STIL: variants seen among roughly 807,000 people sequenced by gnomAD.
STIL encodes the protein SCL-interrupting locus protein.
Under a neutral mutation model 110.1 loss-of-function variants are expected in STIL, and 55 were observed. The ratio of observed to expected loss-of-function variants is 0.50; its 90% CI spans 0.40 to 0.63. The LOEUF is 0.63. STIL is among the 20% of genes least tolerant of loss of function. STIL has a pLI of 0.00. For missense variants in STIL, 1,358 were observed against 1,530.0 expected (o/e 0.89, Z 1.87); for synonymous variants, 481 against 530.0 (o/e 0.91, Z 1.27).
chr1:47,290,214 G>A (rs1645439892), intron 8 of STIL, among the ~76,000 whole-genome samples: 1 of 152,094 alleles, frequency 6.6e-6, no homozygotes, highest in African/African-American at 2.4e-5. Flanking sequence ...CACCTGGAGT[G>A]GGTGAATCTT....
chr1:47,265,256 A>C (rs1447029950), intron 14 of STIL, among the ~76,000 whole-genome samples: 1 of 150,880 alleles, frequency 6.6e-6, no homozygotes, highest in Non-Finnish European at 1.5e-5. Flanking sequence ...AAAAAAAAAA[A>C]AAAACACAAG....
intron 15 of STIL, 35 bp from the exon 16 acceptor site, chr1:47,260,574 A>G (rs1402931854): frequency 1.9e-6 from 3 of 1,605,516 alleles, no homozygotes; most frequent in South Asian, 1.1e-5. Context: ...TTGAAAAATC[A>G]CTATTAACAA....
rs556872201 is a variant in STIL, at chr1:47,278,018, A to G, written c.2217+2223T>C. ...GTCTGGTACCACAGCCCACTCTCTT[A>G]ACCCTTACACCAAAATGAGATTTGC... On this transcript the variant is annotated intron_variant, in intron 12 of 16. Transcript: ENST00000371877. 3.3e-5 allele frequency among the ~76,000 whole-genome samples: 5 copies of G among 152,294 alleles called. No homozygotes were observed. The South Asian group carries it at 8.3e-4, about 25-fold the overall frequency.
At chr1:47,260,253 T>C (rs1345493161) in intron 16 of STIL, 36 bp downstream of exon 16, 2 of 1,567,808 alleles carry the variant, frequency 1.3e-6, no homozygotes, top group East Asian at 4.6e-5. Flanking sequence ...AAAAATAAAA[T>C]TTATTCACTC....
chr1:47,299,028 C>A (rs914534341), intron 6 of STIL, among the ~76,000 whole-genome samples: 2 of 132,592 alleles, frequency 1.5e-5, no homozygotes, highest in African/African-American at 6.5e-5. Context: ...TAATTTTTAC[C>A]ACCACTTTTT....
In STIL at chr1:47,302,380, G is replaced by A. The variant is rs113376047; in HGVS notation, c.153-34C>T. 3.1e-5 allele frequency: 47 copies of A among 1,502,120 alleles called. No homozygotes were observed. In the African/African-American group the frequency reaches 5.1e-4, roughly 16 times the overall value. The allele number at this position is 1,502,120 out of a possible 1,614,324, so 93.0% of individuals were successfully genotyped here. A position where few individuals can be genotyped will look rare whatever the true frequency, so the allele number is the denominator to read the frequency against. On this transcript the variant is annotated intron_variant, in intron 3 of 16. Coordinates refer to ENST00000371877, the MANE Select transcript of STIL (RefSeq NM_001048166.1). The stretch of plus-strand genomic sequence containing the variant: ...CAACAAGTCTTTTATGAATATGGTA[G>A]ACCTCATATCTTAAAAAAACCTCCT...
Position 47,301,705 on chromosome 1 carries a change from A to G in STIL, c.309T>C (p.Gly103=). Residue 103 remains glycine (G), a synonymous_variant, in exon 5 of 17, where the codon GGT becomes GGC. Transcript: ENST00000371877. ...VTLTVDRFDP[G]REVPECLEIT... is the part of the protein sequence containing the mutation. ...TTTCTAGGCATTCAGGTACTTCTCG[A>G]CCAGGATCAAAGCGATCTACTGTCA... 6.2e-7 allele frequency: 1 copy of G among 1,614,074 alleles called. No homozygotes were observed. The highest frequency in any genetic ancestry group is 1.7e-5 in the Admixed American group (1 of 60,020).
At chr1:47,288,523 C>T (rs992662687) in intron 9 of STIL, among the ~76,000 whole-genome samples, 1 of 152,000 alleles carries the variant, frequency 6.6e-6, no homozygotes, top group African/African-American at 2.4e-5. Flanking sequence ...TCTCAAACTC[C>T]TGACCTCAGG....
intron 11 of STIL, 87 bp from the exon 12 acceptor site, chr1:47,281,296 T>A: frequency 7.8e-7 from 1 of 1,274,036 alleles, no homozygotes; most frequent in Non-Finnish European, 1.1e-6. Flanking sequence ...TTTCCCAAAT[T>A]ATATCTAATT....
At chr1:47,284,741 T>C (rs868673395) in intron 10 of STIL, among the ~76,000 whole-genome samples, 1 of 151,918 alleles carries the variant, frequency 6.6e-6, no homozygotes, top group Non-Finnish European at 1.5e-5. Context: ...AATACAAAAA[T>C]TAGCCGGGCG....
At chr1:47,288,895 A>G (rs1337465198) in intron 9 of STIL, among the ~76,000 whole-genome samples, 2 of 55,420 alleles carry the variant, frequency 3.6e-5, no homozygotes, top group Non-Finnish European at 4.2e-5. Context: ...GAAAATACAA[A>G]AAAAAAAAAA....
rs1394010806 is a variant in STIL at position 47,301,895 on chromosome 1, T to G, written c.266-147A>C. 1.7e-5 allele frequency: 13 copies of G among 751,536 alleles called. No individual in the cohort carries two copies. The South Asian group carries it at 2.0e-4, about 12-fold the overall frequency. 46.6% of individuals were successfully genotyped at this position (751,536 alleles called of 1,614,324 possible). ...ACTAAACTAAACTCTTACAGTAAAC[T>G]AAACTCTTATAAGCGTATACTAAAG... is the stretch of plus-strand genomic sequence containing the variant. On this transcript the variant is annotated intron_variant, in intron 4 of 16. Transcript: ENST00000371877.
rs762199521 is a variant in STIL, at chr1:47,301,591, G to C, written c.423C>G (p.His141Gln). 2.5e-6 allele frequency: 4 copies of C among 1,613,716 alleles called. No individual in the cohort carries two copies. Among genetic ancestry groups the C allele is most frequent in the Non-Finnish European group, 3.4e-6 (4 of 1,180,012 alleles). ...AAGCTGAACTGAAGTCATCTACACTGTGAACTATCATTTCTCTTGAACAAA... is the reference window on the plus strand; with the variant it reads ...AAGCTGAACTGAAGTCATCTACACTCTGAACTATCATTTCTCTTGAACAAA... ...QELCSREMIV[H>Q]SVDDFSSALK... Residue 141 changes from histidine to glutamine, a missense_variant, in exon 5 of 17, where the codon CAC becomes CAG. Transcript: ENST00000371877.
chr1:47,279,631 A>T (rs542691898), intron 12 of STIL, among the ~76,000 whole-genome samples: 30 of 149,046 alleles, frequency 2.0e-4, no homozygotes, highest in Middle Eastern at 3.4e-3. Context: ...AGCAGGGCTG[A>T]GGCAGGAAGA....
At chr1:47,269,404 GAAT>G (rs1201797551) in intron 14 of STIL, among the ~76,000 whole-genome samples, 1 of 152,072 alleles carries the variant, frequency 6.6e-6, no homozygotes, top group Non-Finnish European at 1.5e-5. Flanking sequence ...CAACTGTAAT[GAAT>G]AATAATACAT....
At position 47,314,132 on chromosome 1, in the gene STIL, TG is replaced by T. The variant is rs1646222008; in HGVS notation, c.-141del. ...GACTCCGGCCCCGCCTCTGGGACGT[TG>T]GGGTCGCGGGAACTGAGGCGGCAAA... On this transcript the variant is annotated 5_prime_UTR_variant, in exon 1 of 17. Transcript: ENST00000371877. 6.6e-6 allele frequency: 1 copy of T among 152,270 alleles called. No individual in the cohort carries two copies. The allele number at this position is 152,270 out of a possible 1,614,324, so 9.4% of individuals were successfully genotyped here.
At chr1:47,287,746 A>G (rs1645347483) in intron 9 of STIL, 86 bp from the exon 10 acceptor site, 1 of 1,027,090 alleles carries the variant, frequency 9.7e-7, no homozygotes, top group Non-Finnish European at 1.5e-6. Flanking sequence ...GCTCTGAAAC[A>G]CTAGATGATG....
rs748958516 is a variant in STIL at position 47,260,477 on chromosome 1, T to A, written c.2892A>T (p.Ala964=). The A allele has an allele frequency of 1.2e-6, 2 of 1,614,208 alleles. No homozygotes were observed. Among genetic ancestry groups the A allele is most frequent in the South Asian group, 2.2e-5 (2 of 91,086 alleles). ...SKETEQPSTK[A]VIISHECTRT... ...TGGTGCATTCATGACTGATAATTAC[T>A]GCTTTGGTAGACGGCTGCTCAGTTT... The change falls in exon 16 of 17, where the codon GCA becomes GCT. Residue 964 remains alanine, a synonymous_variant. Coordinates refer to ENST00000371877, the MANE Select transcript of STIL (RefSeq NM_001048166.1).
intron 2 of STIL, among the ~76,000 whole-genome samples, chr1:47,306,264 CTTTTTT>C (rs35382902): frequency 1.4e-5 from 2 of 139,200 alleles, no homozygotes; most frequent in Non-Finnish European, 1.5e-5. Context: ...CTTTTCTTTC[CTTTTTT>C]TTTTTTTTTT....
Sources: gnomAD v4.1 joint callset for allele counts (sites outside exome capture counted in the v4.1 genomes callset) on GRCh38, gnomAD v4.1.1 for gene constraint, MANE v1.5 for transcripts, NCBI Gene and HGNC (gene_info 2026-07-23, HGNC 2026-07-21) for gene names.